The following COL20A1 variants were observed in gnomAD, a reference collection of about 807,000 sequenced individuals.
COL20A1 encodes the protein collagen alpha-1(XX) chain.
In COL20A1, 164 loss-of-function variants were observed where a neutral mutation model predicts 152.9. The ratio of observed to expected loss-of-function variants is 1.07; its 90% CI spans 0.94 to 1.22. COL20A1 has a LOEUF of 1.22. Among genes scored for constraint, COL20A1 ranks in the 50% most tolerant of loss-of-function variants. The pLI is 0.00. For missense variants in COL20A1, 1,873 were observed against 1,744.8 expected, an observed-to-expected ratio of 1.07 and a Z score of -1.31; for synonymous variants, 864 against 756.0, an observed-to-expected ratio of 1.14 and a Z score of -2.34.
Position 63,308,532 on chromosome 20 carries a change from T to C in COL20A1, c.776-10T>C, listed in dbSNP as rs1568771259. The C allele has an allele frequency of 1.3e-6, 2 of 1,570,850 alleles. No individual in the cohort carries two copies. Among genetic ancestry groups the C allele is most frequent in the Non-Finnish European group, 8.6e-7 (1 of 1,158,238 alleles). ...CAGCTGCCTGTCACTTTATTCCTGCTGCTCCCAAGGCCTTGCCCTGACCCA... is the reference window on the plus strand; with the variant it reads ...CAGCTGCCTGTCACTTTATTCCTGCCGCTCCCAAGGCCTTGCCCTGACCCA... On this transcript the variant is annotated splice_polypyrimidine_tract_variant and intron_variant, in intron 7 of 35. Coordinates refer to ENST00000358894, the MANE Select transcript of COL20A1 (RefSeq NM_020882.4).
chr20:63,309,855 C>T lies in COL20A1; in HGVS notation c.1203C>T (p.Pro401=). 1.2e-6 allele frequency: 2 copies of T among 1,611,814 alleles called. No homozygotes were observed. Among genetic ancestry groups the T allele is most frequent in the Non-Finnish European group, 1.7e-6 (2 of 1,179,432 alleles). Residue 401 remains proline, a synonymous_variant, in exon 10 of 36, where the codon CCC becomes CCT. Coordinates refer to ENST00000358894, the MANE Select transcript of COL20A1 (RefSeq NM_020882.4). ...TCCGCCTGTCCTGGACTCCAGCCCC[C>T]CGGCACCCCCTCAAGTATCTGATCG... is the stretch of plus-strand genomic sequence containing the variant. The part of the protein sequence containing the change: ...SSIRLSWTPA[P]RHPLKYLIVW...
At chr20:63,321,628 C>T (rs2068164220) in intron 26 of COL20A1, among the ~76,000 whole-genome samples, 1 of 152,202 alleles carries the variant, frequency 6.6e-6, no homozygotes, top group South Asian at 2.1e-4. Flanking sequence ...CTACCCAGGC[C>T]TCAGGGAGGC....
intron 27 of COL20A1, chr20:63,324,466 G>A (rs551252598): frequency 6.6e-6 from 1 of 152,340 alleles, no homozygotes; most frequent in Non-Finnish European, 1.5e-5. Flanking sequence ...GGTGCATTTT[G>A]TCATGTGGTA....
In COL20A1 at chr20:63,319,614, G is replaced by GC; in HGVS notation, c.2916+22dup. The stretch of plus-strand genomic sequence containing the variant: ...TCCACAAGGTCCTGGTGCAGCTCGC[G>GC]CCCCTCTCCCCCGTTCCCCCAGCTC... On this transcript the variant is annotated intron_variant, in intron 23 of 35. Coordinates refer to ENST00000358894, the MANE Select transcript of COL20A1 (RefSeq NM_020882.4). The surrounding 1 kb of genome is among the most constrained non-coding windows in gnomAD (Gnocchi z 4.4). 6.5e-7 allele frequency: 1 copy of GC among 1,527,708 alleles called. No homozygotes were observed. Among genetic ancestry groups the GC allele is most frequent in the South Asian group, 1.2e-5 (1 of 83,762 alleles). The allele number at this position is 1,527,708 out of a possible 1,614,324, so 94.6% of individuals were successfully genotyped here.
At position 63,320,152 on chromosome 20, in the gene COL20A1, G is replaced by A. The variant is rs747853465; in HGVS notation, c.3030G>A (p.Leu1010=). 102 of 1,552,894 alleles carry A rather than the reference G, an allele frequency of 6.6e-5. No individual in the cohort carries two copies. Among genetic ancestry groups the A allele is most frequent in the Non-Finnish European group, 8.4e-5 (97 of 1,149,928 alleles). ...GSPPAAGFVT[L]GRLAKARGPR... is the part of the protein sequence containing the mutation. ...CACCCGCTGCGGGCTTCGTCACGCTGGGGAGGCTGGCCAAGGCCAGGGGCC... is the reference window on the plus strand; with the variant it reads ...CACCCGCTGCGGGCTTCGTCACGCTAGGGAGGCTGGCCAAGGCCAGGGGCC... Residue 1010 remains leucine, a synonymous_variant, in exon 24 of 36, where the codon CTG becomes CTA. Transcript: ENST00000358894.
chr20:63,311,554 G>T lies in COL20A1; in HGVS notation c.1539+15G>T, dbSNP rs193210053. On this transcript the variant is annotated intron_variant, in intron 12 of 35. Transcript: ENST00000358894. This position sits in a 1 kb window ranked among gnomAD's most constrained non-coding sequence, Gnocchi z 4.4. ...AGGAGCGAGAGGTGAGCTGGGCCGGGGGGTGGCGGGGGAGGCAGAGGAGTG... is the reference window on the plus strand; with the variant it reads ...AGGAGCGAGAGGTGAGCTGGGCCGGTGGGTGGCGGGGGAGGCAGAGGAGTG... 3 of 1,603,618 alleles carry T rather than the reference G, an allele frequency of 1.9e-6. No homozygotes were observed. Among genetic ancestry groups the T allele is most frequent in the Admixed American group, 1.7e-5 (1 of 59,066 alleles).
At position 63,325,673 on chromosome 20, in the gene COL20A1, C is replaced by A. The variant is rs763282748; in HGVS notation, c.3354C>A (p.His1118Gln). The A allele has an allele frequency of 1.1e-5, 18 of 1,609,774 alleles. No individual in the cohort carries two copies. The highest frequency in any genetic ancestry group is 1.4e-5 in the Non-Finnish European group (17 of 1,178,920). The change falls in exon 29 of 36, where the codon CAC (histidine) becomes CAA (glutamine). Residue 1118 changes from histidine (H) to glutamine (Q), a missense_variant. Transcript: ENST00000358894. ...GDHGLPGLQGHPGHQGIPGRV... is the reference protein window; with the variant it reads ...GDHGLPGLQGQPGHQGIPGRV... ...GCCCCTCTGTTCTCTCCCAGGGCCA[C>A]CCCGGCCACCAGGGCATCCCCGGGA...
At chr20:63,324,364 G>A (rs2068212382) in intron 27 of COL20A1, 1 of 152,242 alleles carries the variant, frequency 6.6e-6, no homozygotes, top group African/African-American at 2.4e-5. Flanking sequence ...TCAGAGAACA[G>A]TGGCAGTAGC....
At chr20:63,316,240 GT>G (rs1442936060) in intron 20 of COL20A1, among the ~76,000 whole-genome samples, 2 of 152,132 alleles carry the variant, frequency 1.3e-5, no homozygotes, top group Admixed American at 1.3e-4. Flanking sequence ...CGTCCACCTT[GT>G]CCATCTCTGG....
Position 63,310,476 on chromosome 20 carries a change from G to T in COL20A1, c.1359G>T (p.Gly453=). ...CCGTGTTCCCCATCTATGAGGGCGG[G>T]GTTGGCGAAGGCCTGCGGGGCCTGG... is the stretch of plus-strand genomic sequence containing the variant. ...LVSVFPIYEG[G]VGEGLRGLVT... Residue 453 remains glycine, a synonymous_variant, in exon 11 of 36, where the codon GGG becomes GGT. Transcript: ENST00000358894. 1.2e-6 allele frequency: 2 copies of T among 1,606,524 alleles called. No homozygotes were observed. Among genetic ancestry groups the T allele is most frequent in the African/African-American group, 2.7e-5 (2 of 74,940 alleles).
At chr20:63,325,148 T>G in intron 27 of COL20A1, 1 of 568,286 alleles carries the variant, frequency 1.8e-6, no homozygotes, top group Non-Finnish European at 3.3e-6. Context: ...TGGAGGTGTC[T>G]CCATGTCGGT....
rs1464657371 is a variant in COL20A1, at chr20:63,325,738, T to C, written c.3402+17T>C. The C allele has an allele frequency of 1.9e-6, 3 of 1,609,548 alleles. No individual in the cohort carries two copies. Among genetic ancestry groups the C allele is most frequent in the Non-Finnish European group, 2.5e-6 (3 of 1,177,504 alleles). On this transcript the variant is annotated intron_variant, in intron 29 of 35. Coordinates refer to ENST00000358894, the MANE Select transcript of COL20A1 (RefSeq NM_020882.4). ...GGACCAAAGGTGCCGGCTCTGGGCT[T>C]GGAGGGTTCTGTCAGGGTGGTAGAG...
chr20:63,307,821 G>T (rs1348750197), intron 6 of COL20A1, 150 bp from the exon 7 acceptor site: 1 of 1,171,340 alleles, frequency 8.5e-7, no homozygotes, highest in East Asian at 2.6e-5. Context: ...GGAGGCCCTG[G>T]CTCTGCAAGC....
intron 3 of COL20A1, among the ~76,000 whole-genome samples, chr20:63,304,903 T>A (rs1601408733): frequency 6.6e-6 from 1 of 152,242 alleles, no homozygotes; most frequent in Non-Finnish European, 1.5e-5. Context: ...AATATGGCAG[T>A]GTCCCCTTTG....
At chr20:63,329,078 T>G in intron 34 of COL20A1, 1 of 172,238 alleles carries the variant, frequency 5.8e-6, no homozygotes, top group Non-Finnish European at 1.2e-5. Flanking sequence ...GAGGACTGAG[T>G]TCTGCACTGG....
At chr20:63,316,829 A>C in intron 21 of COL20A1, 138 bp downstream of exon 21, 1 of 737,892 alleles carries the variant, frequency 1.4e-6, no homozygotes, top group Non-Finnish European at 2.0e-6. Flanking sequence ...TATGTCAGCA[A>C]ACGGCTGACT....
In COL20A1 at chr20:63,321,959, G is replaced by A. The variant is rs1014790597; in HGVS notation, c.3241-99G>A. 4 of 938,014 alleles carry A rather than the reference G, an allele frequency of 4.3e-6. No homozygotes were observed. In the African/African-American group the frequency reaches 6.9e-5, roughly 16 times the overall value. 58.1% of individuals were successfully genotyped at this position (938,014 alleles called of 1,614,324 possible). The stretch of plus-strand genomic sequence containing the variant: ...CAGTCTGGGGCTGGGTGGGGCATGG[G>A]GCTCAGGGTGGGCCAGGCATGGGGC... On this transcript the variant is annotated intron_variant, in intron 26 of 35. Coordinates refer to ENST00000358894, the MANE Select transcript of COL20A1 (RefSeq NM_020882.4).
intron 3 of COL20A1, among the ~76,000 whole-genome samples, chr20:63,298,384 G>A (rs765201229): frequency 2.0e-5 from 3 of 152,174 alleles, no homozygotes; most frequent in East Asian, 1.9e-4. Flanking sequence ...TCAATCTCCC[G>A]AGCTCAGGAG....
rs762904751 is a variant in COL20A1 at position 63,322,096 on chromosome 20, C to A, written c.3279C>A (p.Gly1093=). 1.3e-6 allele frequency: 2 copies of A among 1,499,860 alleles called. No homozygotes were observed. Among genetic ancestry groups the A allele is most frequent in the South Asian group, 1.3e-5 (1 of 76,694 alleles). 92.9% of individuals were successfully genotyped at this position (1,499,860 alleles called of 1,614,324 possible). The change falls in exon 27 of 36, where the codon GGC becomes GGA. Residue 1093 remains glycine, a synonymous_variant. Transcript: ENST00000358894. ...GGAATGGCACCCCAGGAGAGCAGGG[C>A]TTCCCAGGGCCCAGGGTAAGTTTTG... ...PGRNGTPGEQ[G]FPGPRGPPGV...
Sources: gnomAD v4.1 joint callset for allele counts (sites outside exome capture counted in the v4.1 genomes callset) on GRCh38, gnomAD v4.1.1 for gene constraint, Gnocchi (gnomAD v3.1) non-coding constraint, MANE v1.5 for transcripts, NCBI Gene and HGNC (gene_info 2026-07-23, HGNC 2026-07-21) for gene names.